MECOM: variants seen among roughly 807,000 people sequenced by gnomAD.
MECOM encodes histone-lysine N-methyltransferase MECOM.
Under a neutral mutation model 116.3 loss-of-function variants are expected in MECOM, and 13 were observed. The ratio of observed to expected loss-of-function variants is 0.11; its 90% CI spans 0.07 to 0.18. The LOEUF (loss-of-function observed/expected upper bound fraction) is 0.18, where lower values mean the gene tolerates loss of function less well. MECOM is among the 10% of genes least tolerant of loss of function. MECOM has a pLI of 1.00. For missense variants in MECOM, 1,299 were observed against 1,509.0 expected (o/e 0.86, Z 2.31); for synonymous variants, 528 against 535.2 (o/e 0.99, Z 0.19).
intron 1 of MECOM, among the ~76,000 whole-genome samples, chr3:169,528,245 A>C (rs1402054278): frequency 1.3e-5 from 2 of 152,190 alleles, no homozygotes; most frequent in Non-Finnish European, 2.9e-5. Context: ...TCAAACATAT[A>C]TACAAGAGAG....
At chr3:169,482,564 G>A (rs979719537) in intron 1 of MECOM, among the ~76,000 whole-genome samples, 1 of 152,110 alleles carries the variant, frequency 6.6e-6, no homozygotes, top group African/African-American at 2.4e-5. Context: ...TCGATCTCCT[G>A]ACCTCGTGAT....
At chr3:169,107,844 G>A in intron 10 of MECOM, 82 bp downstream of exon 10, 1 of 1,152,930 alleles carries the variant, frequency 8.7e-7, no homozygotes, top group Non-Finnish European at 1.3e-6. Context: ...AATTATTTAT[G>A]TCTGTACAGC....
intron 2 of MECOM, among the ~76,000 whole-genome samples, chr3:169,184,302 C>T (rs184514479): frequency 3.9e-5 from 6 of 152,128 alleles, no homozygotes; most frequent in Admixed American, 3.9e-4. Context: ...TAAACGTGAC[C>T]ATGGACTTCA....
intron 2 of MECOM, among the ~76,000 whole-genome samples, chr3:169,254,566 A>G (rs957862220): frequency 6.6e-6 from 1 of 152,154 alleles, no homozygotes; most frequent in Non-Finnish European, 1.5e-5. Flanking sequence ...CAGTTTCTGT[A>G]CATTTTATGT....
At chr3:169,388,557 C>T (rs992015581) in intron 1 of MECOM, among the ~76,000 whole-genome samples, 7 of 152,158 alleles carry the variant, frequency 4.6e-5, no homozygotes, top group African/African-American at 1.7e-4. Flanking sequence ...AGAAAACTGA[C>T]TTAAACAAGC....
intron 2 of MECOM, among the ~76,000 whole-genome samples, chr3:169,329,820 A>G (rs1272104895): frequency 6.6e-6 from 1 of 152,214 alleles, no homozygotes; most frequent in Non-Finnish European, 1.5e-5. Context: ...ATTATGTACA[A>G]TATGCCAATG....
intron 2 of MECOM, among the ~76,000 whole-genome samples, chr3:169,207,868 C>G (rs1446261142): frequency 6.6e-6 from 1 of 152,118 alleles, no homozygotes; most frequent in Non-Finnish European, 1.5e-5. Context: ...AACTTAGAAG[C>G]AGCTCTTGTT....
At chr3:169,150,573 G>A (rs1741019642) in intron 2 of MECOM, among the ~76,000 whole-genome samples, 1 of 152,208 alleles carries the variant, frequency 6.6e-6, no homozygotes. Flanking sequence ...TATCAGGACA[G>A]ATGATCTAAA....
chr3:169,471,795 T>C (rs1308802243), intron 1 of MECOM, among the ~76,000 whole-genome samples: 1 of 152,256 alleles, frequency 6.6e-6, no homozygotes, highest in African/African-American at 2.4e-5. Context: ...TCTGTTTTTC[T>C]CCTTGTAAGT....
intron 2 of MECOM, among the ~76,000 whole-genome samples, chr3:169,192,705 T>C (rs577601015): frequency 1.2e-4 from 19 of 152,142 alleles, no homozygotes; most frequent in African/African-American, 4.3e-4. Flanking sequence ...TTCATTCCAA[T>C]TGGAAGTACT....
chr3:169,414,120 A>T (rs1015027687), intron 1 of MECOM, among the ~76,000 whole-genome samples: 1 of 152,168 alleles, frequency 6.6e-6, no homozygotes, highest in Admixed American at 6.5e-5. Flanking sequence ...GGGTCAACAG[A>T]CAACTCATAA....
At chr3:169,381,615 A>C (rs1366524313) in intron 1 of MECOM, 91 bp from the exon 2 acceptor site, 2 of 943,152 alleles carry the variant, frequency 2.1e-6, no homozygotes, top group Non-Finnish European at 3.1e-6. Context: ...TGTTCTTTGA[A>C]GGATAAACAG....
chr3:169,349,488 A>C (rs896263374), intron 2 of MECOM, among the ~76,000 whole-genome samples: 24 of 151,850 alleles, frequency 1.6e-4, no homozygotes, highest in Admixed American at 1.6e-3. Context: ...CTTGGTGTTC[A>C]CATGTTTAAT....
chr3:169,417,673 G>A lies in MECOM; in HGVS notation c.38-36149C>T, dbSNP rs1360267812. Among the ~76,000 whole-genome samples the A allele has an allele frequency of 1.3e-3, 196 of 151,648 alleles. 1 individual carries two copies. The highest frequency in any genetic ancestry group is 4.3e-3 in the African/African-American group (176 of 41,338). On this transcript the variant is annotated intron_variant, in intron 1 of 16. Coordinates refer to ENST00000651503, the MANE Select transcript of MECOM (RefSeq NM_004991.4). The stretch of plus-strand genomic sequence containing the variant: ...CACATGCACACGTATGTTTATTGCG[G>A]CACTATTCACAATAGCAAAGACTTG...
chr3:169,565,410 C>T (rs934811525), intron 1 of MECOM, among the ~76,000 whole-genome samples: 2 of 152,182 alleles, frequency 1.3e-5, no homozygotes, highest in Non-Finnish European at 2.9e-5. Flanking sequence ...GGATCCACTG[C>T]CCCCTCCTCA....
chr3:169,552,091 G>T (rs1042380301), intron 1 of MECOM, among the ~76,000 whole-genome samples: 1 of 151,736 alleles, frequency 6.6e-6, no homozygotes, highest in Non-Finnish European at 1.5e-5. Context: ...AGATGAAAAT[G>T]TTCTGGAATC....
intron 1 of MECOM, among the ~76,000 whole-genome samples, chr3:169,509,790 C>T (rs1755731620): frequency 6.6e-6 from 1 of 152,240 alleles, no homozygotes; most frequent in Admixed American, 6.5e-5. Context: ...TTGCACCTTT[C>T]GACCATTGTG....
intron 1 of MECOM, among the ~76,000 whole-genome samples, chr3:169,638,969 G>A (rs1320621792): frequency 6.7e-6 from 1 of 148,718 alleles, no homozygotes; most frequent in Admixed American, 6.9e-5. Flanking sequence ...TAGTTGAGAA[G>A]TAGATGTATC....
Position 169,115,505 on chromosome 3 carries a change from A to T in MECOM, c.2367T>A (p.Thr789=), listed in dbSNP as rs1433260904. The change falls in exon 8 of 17, where the codon ACT becomes ACA. Residue 789 remains threonine, a synonymous_variant. Coordinates refer to ENST00000651503, the MANE Select transcript of MECOM (RefSeq NM_004991.4). ...SRSRASGTKL[T]EPRKNHVFGG... ...CAAACACGTGGTTTTTTCGAGGCTC[A>T]GTCAGCTTTGTCCCACTGGCTCTAC... 1 of 1,614,106 alleles carries T rather than the reference A, an allele frequency of 6.2e-7. No individual in the cohort carries two copies. Among genetic ancestry groups the T allele is most frequent in the Non-Finnish European group, 8.5e-7 (1 of 1,180,020 alleles).
Sources: gnomAD v4.1 joint callset for allele counts (sites outside exome capture counted in the v4.1 genomes callset) on GRCh38, gnomAD v4.1.1 for gene constraint, MANE v1.5 for transcripts, NCBI Gene and HGNC (gene_info 2026-07-23, HGNC 2026-07-21) for gene names.